Variants in RPTOR observed in about 807,000 individuals in gnomAD.
RPTOR encodes the protein regulatory associated protein of MTOR complex 1.
In RPTOR, 21 loss-of-function variants were observed where a neutral mutation model predicts 169.9. That is an observed-to-expected ratio of 0.12 (90% confidence interval 0.09 to 0.18). The LOEUF (loss-of-function observed/expected upper bound fraction) is 0.18. Among genes scored for constraint, RPTOR ranks in the 10% least tolerant of loss-of-function variants. The pLI, the probability that RPTOR is intolerant of heterozygous loss-of-function variation, is 1.00. For synonymous variants in RPTOR, 732 were observed against 753.2 expected (o/e 0.97, Z 0.46); for missense variants, 1,133 against 1,855.9 (o/e 0.61, Z 7.16).
intron 26 of RPTOR, among the ~76,000 whole-genome samples, chr17:80,946,444 T>C (rs182451468): frequency 6.6e-6 from 1 of 152,318 alleles, no homozygotes; most frequent in East Asian, 1.9e-4. Flanking sequence ...AACCTTCTCA[T>C]CACACAAAAC....
At chr17:80,568,017 G>A (rs1302664264) in intron 1 of RPTOR, among the ~76,000 whole-genome samples, 3 of 151,128 alleles carry the variant, frequency 2.0e-5, no homozygotes. Flanking sequence ...AGCAATTTTC[G>A]TGCCTCAGCC....
intron 6 of RPTOR, among the ~76,000 whole-genome samples, chr17:80,779,664 G>A (rs1011531718): frequency 5.3e-5 from 8 of 152,162 alleles, no homozygotes; most frequent in African/African-American, 1.9e-4. Flanking sequence ...CATGTCTGGA[G>A]GCTGCTGACC....
chr17:80,907,433 C>T (rs1259291569), intron 20 of RPTOR, among the ~76,000 whole-genome samples: 2 of 152,378 alleles, frequency 1.3e-5, no homozygotes, highest in African/African-American at 2.4e-5. Context: ...CGCCTGGCCC[C>T]GCTCTGCCCT....
At chr17:80,648,806 G>A (rs960004536) in intron 3 of RPTOR, among the ~76,000 whole-genome samples, 3 of 151,924 alleles carry the variant, frequency 2.0e-5, no homozygotes, top group Non-Finnish European at 1.5e-5. Context: ...CAATTCCCAC[G>A]TGCCATAGGG....
chr17:80,634,231 C>CTGTG, intron 2 of RPTOR, among the ~76,000 whole-genome samples: 1 of 102,030 alleles, frequency 9.8e-6, no homozygotes, highest in African/African-American at 4.4e-5. Flanking sequence ...CGTGTGTGTA[C>CTGTG]TGTGTGTGCG....
At chr17:80,757,942 A>T (rs1267839586) in intron 6 of RPTOR, among the ~76,000 whole-genome samples, 1 of 152,126 alleles carries the variant, frequency 6.6e-6, no homozygotes, top group Admixed American at 6.5e-5. Context: ...AAAGAGGCTT[A>T]TGAGTGCCCA....
At chr17:80,858,088 G>A (rs1175673335) in intron 13 of RPTOR, 188 bp downstream of exon 13, 23 of 604,928 alleles carry the variant, frequency 3.8e-5, no homozygotes, top group Non-Finnish European at 5.1e-5. Context: ...GGTCGTGGGG[G>A]CTGTCACCTA....
intron 1 of RPTOR, among the ~76,000 whole-genome samples, chr17:80,563,565 CAA>C (rs10649649): frequency 1.1e-5 from 1 of 94,182 alleles, no homozygotes; most frequent in African/African-American, 4.2e-5. Context: ...ACTAAGTCTC[CAA>C]AAAAAAAAAA....
At chr17:80,858,538 C>T (rs948114948) in intron 13 of RPTOR, among the ~76,000 whole-genome samples, 9 of 152,226 alleles carry the variant, frequency 5.9e-5, no homozygotes, top group African/African-American at 1.2e-4. Context: ...CTGTCCCCAG[C>T]GGCTTATGCT....
At chr17:80,743,901 A>G (rs1394945623) in intron 5 of RPTOR, among the ~76,000 whole-genome samples, 1 of 89,622 alleles carries the variant, frequency 1.1e-5, no homozygotes, top group East Asian at 3.0e-4. Flanking sequence ...TGTCCTGGTT[A>G]CGAGCACAGC....
chr17:80,892,928 A>G, intron 19 of RPTOR, 59 bp downstream of exon 19: 1 of 1,579,772 alleles, frequency 6.3e-7, no homozygotes, highest in Non-Finnish European at 8.6e-7. Context: ...TTTTTCTGAA[A>G]CACTGTATCT....
At chr17:80,663,855 A>G (rs12453880) in intron 3 of RPTOR, among the ~76,000 whole-genome samples, 27,219 of 151,816 alleles carry the variant, frequency 0.18, 2,865 homozygotes, top group East Asian at 0.24. Flanking sequence ...AGGTGTGTGC[A>G]CAAGATGGGC....
intron 17 of RPTOR, among the ~76,000 whole-genome samples, chr17:80,885,613 G>C (rs2068236675): frequency 6.6e-6 from 1 of 152,114 alleles, no homozygotes; most frequent in Non-Finnish European, 1.5e-5. Flanking sequence ...GCGTGATCTT[G>C]GCTCACTGCA....
chr17:80,874,431 A>G (rs1437135425), intron 13 of RPTOR, among the ~76,000 whole-genome samples: 1 of 152,126 alleles, frequency 6.6e-6, no homozygotes, highest in African/African-American at 2.4e-5. Context: ...TCTTAACCTC[A>G]TGATCCACCC....
At chr17:80,872,067 A>G (rs922204617) in intron 13 of RPTOR, among the ~76,000 whole-genome samples, 1 of 152,188 alleles carries the variant, frequency 6.6e-6, no homozygotes, top group Non-Finnish European at 1.5e-5. Context: ...TCCAAACTAG[A>G]GGTTGTGATA....
intron 6 of RPTOR, 21 bp from the exon 7 acceptor site, chr17:80,791,429 C>T (rs761574847): frequency 6.2e-6 from 10 of 1,611,556 alleles, no homozygotes; most frequent in Non-Finnish European, 8.5e-6. Flanking sequence ...ATGCCGTTCA[C>T]ATTCTTTTCT....
intron 2 of RPTOR, among the ~76,000 whole-genome samples, chr17:80,639,824 T>A (rs1269657790): frequency 1.3e-5 from 2 of 151,984 alleles, no homozygotes; most frequent in Non-Finnish European, 2.9e-5. Flanking sequence ...GAAGGTGAAA[T>A]GGATAGGATG....
chr17:80,718,569 A>AG (rs1324224980), intron 4 of RPTOR, among the ~76,000 whole-genome samples: 2 of 152,138 alleles, frequency 1.3e-5, no homozygotes, highest in Non-Finnish European at 2.9e-5. Flanking sequence ...GCAAGGTTGG[A>AG]GGGGGCCTCC....
chr17:80,743,776 CTAGCAG>C (rs2066514654), intron 5 of RPTOR, among the ~76,000 whole-genome samples: 2 of 122,572 alleles, frequency 1.6e-5, no homozygotes, highest in South Asian at 5.5e-4. Flanking sequence ...CTCCTGGTTA[CTAGCAG>C]AGCCCTGGCT....
Sources: gnomAD v4.1 joint callset for allele counts (sites outside exome capture counted in the v4.1 genomes callset) on GRCh38, gnomAD v4.1.1 for gene constraint, MANE v1.5 for transcripts, NCBI Gene and HGNC (gene_info 2026-07-23, HGNC 2026-07-21) for gene names.